PCDHA4: variants seen among roughly 807,000 people sequenced by gnomAD.
PCDHA4 encodes protocadherin alpha 4.
PCDHA4 carries 49 observed loss-of-function variants against 61.4 expected under a neutral mutation model. That is an observed-to-expected ratio of 0.80 (90% confidence interval 0.63 to 1.01). The LOEUF (loss-of-function observed/expected upper bound fraction) is 1.01, where lower values mean the gene tolerates loss of function less well. Ranked by LOEUF, PCDHA4 falls within the 50% of genes least tolerant of loss-of-function variation. The pLI is 0.00. For synonymous variants in PCDHA4, 590 were observed against 550.3 expected (o/e 1.07, Z -1.01); for missense variants, 1,254 against 1,235.8 (o/e 1.01, Z -0.22).
rs1554124439 is a variant in PCDHA4, at chr5:140,808,166, C to T, written c.979C>T (p.Gln327Ter). 1.2e-6 allele frequency: 2 copies of T among 1,614,162 alleles called. No individual in the cohort carries two copies. The highest frequency in any genetic ancestry group is 1.7e-6 in the Non-Finnish European group (2 of 1,179,992). The change falls in exon 1 of 4, where the codon CAG (glutamine) becomes TAG (stop). Residue 327 changes from glutamine to a stop codon, truncating the protein, a stop_gained. Transcript: ENST00000530339. LOFTEE classifies it high-confidence loss of function. ...EIIVEGIDKG[Q>*]LPLSGHCRVI... ...TATTGTAGAGGGCATTGATAAGGGA[C>T]AGCTCCCACTTTCTGGCCATTGTAG...
intron 1 of PCDHA4, chr5:140,927,771 G>C: frequency 6.2e-7 from 1 of 1,614,210 alleles, no homozygotes; most frequent in Non-Finnish European, 8.5e-7. Flanking sequence ...GTGGGGAGGT[G>C]CAAGTAGCTG....
intron 1 of PCDHA4, among the ~76,000 whole-genome samples, chr5:140,873,723 CAA>C (rs1554166874): frequency 6.6e-6 from 1 of 152,158 alleles, no homozygotes; most frequent in Non-Finnish European, 1.5e-5. Context: ...TGCAGTGGCG[CAA>C]TCTCAGCTCA....
At chr5:140,828,589 C>T (rs2150157148) in intron 1 of PCDHA4, 9 of 1,614,088 alleles carry the variant, frequency 5.6e-6, no homozygotes, top group Non-Finnish European at 7.6e-6. Flanking sequence ...GCTCAAATTC[C>T]ATCTTAACCT....
rs746844684 is a variant in PCDHA4, at chr5:140,809,090, C to T, written c.1903C>T (p.Arg635Cys). 4 of 1,613,834 alleles carry T rather than the reference C, an allele frequency of 2.5e-6. No individual in the cohort carries two copies. Among genetic ancestry groups the T allele is most frequent in the South Asian group, 2.2e-5 (2 of 91,094 alleles). The change falls in exon 1 of 4, where the codon CGT becomes TGT. Residue 635 changes from arginine (R) to cysteine (C), a missense_variant. Transcript: ENST00000530339. The part of the protein sequence containing the change: ...GLYTGEISTT[R>C]ALDETDAPRH... ...GTACACTGGCGAGATCAGCACAACG[C>T]GTGCCCTGGACGAAACGGACGCTCC...
intron 1 of PCDHA4, chr5:140,859,465 T>A: frequency 4.7e-6 from 1 of 214,084 alleles, no homozygotes; most frequent in Non-Finnish European, 9.1e-6. Flanking sequence ...AAAACTACAC[T>A]ATCAATTGTG....
rs2150354431 is a variant in PCDHA4 at position 140,843,174 on chromosome 5, C to T, written c.2385+33602C>T. 1.1e-4 allele frequency: 178 copies of T among 1,595,970 alleles called. 24 individuals carry two copies. Among genetic ancestry groups the T allele is most frequent in the Non-Finnish European group, 1.5e-4 (177 of 1,165,624 alleles). ...GAGCTGCAGCCAGCTGCAAGCAGCC[C>T]TCGCATCCCGTTCCGCGTGGGGCTG... On this transcript the variant is annotated intron_variant, in intron 1 of 3. Transcript: ENST00000530339.
At chr5:140,971,642 A>T (rs1586490477) in intron 1 of PCDHA4, among the ~76,000 whole-genome samples, 1 of 152,330 alleles carries the variant, frequency 6.6e-6, no homozygotes. Context: ...ATGTGCCTAC[A>T]TTAAAAGTAG....
chr5:140,840,432 C>T (rs1458512943), intron 1 of PCDHA4, among the ~76,000 whole-genome samples: 2 of 151,722 alleles, frequency 1.3e-5, no homozygotes, highest in Non-Finnish European at 2.9e-5. Flanking sequence ...TAGTTTAAAG[C>T]CGTGGAAATA....
intron 1 of PCDHA4, among the ~76,000 whole-genome samples, chr5:140,935,799 A>T (rs1423027036): frequency 1.3e-5 from 2 of 151,978 alleles, no homozygotes; most frequent in African/African-American, 4.8e-5. Flanking sequence ...TATAAACGAG[A>T]TTATTTCATA....
At chr5:140,851,915 T>G (rs1554145604) in intron 1 of PCDHA4, 1 of 967,000 alleles carries the variant, frequency 1.0e-6, no homozygotes, top group Non-Finnish European at 1.2e-6. Context: ...TGTCACTACA[T>G]GTTATGTTTC....
chr5:140,940,045 G>T (rs2092536047), intron 1 of PCDHA4, among the ~76,000 whole-genome samples: 1 of 152,038 alleles, frequency 6.6e-6, no homozygotes, highest in African/African-American at 2.4e-5. Flanking sequence ...TATTTTATTA[G>T]ATTCTTAACC....
Position 140,807,210 on chromosome 5 carries a change from G to T in PCDHA4, c.23G>T (p.Gly8Val). The change falls in exon 1 of 4, where the codon GGC (glycine) becomes GTC (valine). Residue 8 changes from glycine to valine, a missense_variant. Physicochemically the swap from Gly to Val is moderately radical, Grantham distance 109. Coordinates refer to ENST00000530339, the MANE Select transcript of PCDHA4 (RefSeq NM_018907.4). ...AAGATGGAGTTTTCCTGGGGAAGCG[G>T]CCAGGAATCCCGGCGTCTGCTGCTC... is the stretch of plus-strand genomic sequence containing the variant. Reference protein sequence around the residue: MEFSWGSGQESRRLLLLL... With the variant: MEFSWGSVQESRRLLLLL... The T allele has an allele frequency of 1.9e-6, 3 of 1,613,852 alleles. No homozygotes were observed. Among genetic ancestry groups the T allele is most frequent in the Non-Finnish European group, 2.5e-6 (3 of 1,179,844 alleles).
chr5:140,865,798 C>T (rs1467476362), intron 1 of PCDHA4: 1 of 152,146 alleles, frequency 6.6e-6, no homozygotes, highest in East Asian at 1.9e-4. Context: ...AGGCTTCAGA[C>T]TCATTCTTTT....
chr5:140,877,224 G>T, intron 1 of PCDHA4: 1 of 1,613,712 alleles, frequency 6.2e-7, no homozygotes, highest in Non-Finnish European at 8.5e-7. Flanking sequence ...TACCGCGGTC[G>T]GTGGGTGCGG....
chr5:140,863,149 G>T, intron 1 of PCDHA4: 1 of 617,002 alleles, frequency 1.6e-6, no homozygotes, highest in Non-Finnish European at 3.1e-6. Context: ...GCTGGTGAAG[G>T]ACCACTGCGA....
intron 1 of PCDHA4, among the ~76,000 whole-genome samples, chr5:140,941,214 C>CTTT (rs1554214039): frequency 0.031 from 3,845 of 122,336 alleles, 93 homozygotes; most frequent in South Asian, 0.048. Flanking sequence ...TTTCTTTCTT[C>CTTT]CTTTCTTTCT....
At chr5:140,828,262 G>A in intron 1 of PCDHA4, 2 of 1,614,018 alleles carry the variant, frequency 1.2e-6, no homozygotes, top group Non-Finnish European at 8.5e-7. Context: ...TGGAGCTGGC[G>A]GAGCTGGTGC....
intron 1 of PCDHA4, among the ~76,000 whole-genome samples, chr5:140,921,890 G>A (rs1167996919): frequency 1.3e-5 from 2 of 151,710 alleles, no homozygotes; most frequent in African/African-American, 2.4e-5. Flanking sequence ...ATTTTAGAAA[G>A]GAGGATAAAT....
At chr5:140,902,933 T>C (rs898632295) in intron 1 of PCDHA4, among the ~76,000 whole-genome samples, 56 of 152,346 alleles carry the variant, frequency 3.7e-4, no homozygotes, top group African/African-American at 1.2e-3. Flanking sequence ...GGTGTATATA[T>C]ACCACATTTT....
Sources: gnomAD v4.1 joint callset for allele counts (sites outside exome capture counted in the v4.1 genomes callset) on GRCh38, gnomAD v4.1.1 for gene constraint, MANE v1.5 for transcripts, NCBI Gene and HGNC (gene_info 2026-07-23, HGNC 2026-07-21) for gene names.